NRG1: variants seen among roughly 807,000 people sequenced by gnomAD.
NRG1 encodes the protein pro-neuregulin-1, membrane-bound isoform.
Under a neutral mutation model 63.8 loss-of-function variants are expected in NRG1, and 18 were observed. The observed-to-expected ratio is 0.28, with a 90% CI of 0.19 to 0.42. NRG1 has a LOEUF of 0.42. Among genes scored for constraint, NRG1 ranks in the 10% least tolerant of loss-of-function variants. NRG1 has a pLI of 1.00. For synonymous variants in NRG1, 302 were observed against 301.3 expected, an observed-to-expected ratio of 1.00 and a Z score of -0.02; for missense variants, 762 against 814.7, an observed-to-expected ratio of 0.94 and a Z score of 0.79.
At chr8:31,924,627 T>TTTC (rs386412501) in intron 1 of NRG1, among the ~76,000 whole-genome samples, 2 of 151,198 alleles carry the variant, frequency 1.3e-5, no homozygotes, top group Non-Finnish European at 2.9e-5. Context: ...CCTTTTTTTT[T>TTTC]TCACTTTTTC....
At chr8:31,960,776 C>G (rs985225050) in intron 1 of NRG1, among the ~76,000 whole-genome samples, 3 of 152,188 alleles carry the variant, frequency 2.0e-5, no homozygotes, top group Non-Finnish European at 4.4e-5. Context: ...CTCCTTTCAC[C>G]CTCAGGTACA....
chr8:32,366,872 G>A (rs552375806), intron 1 of NRG1, among the ~76,000 whole-genome samples: 5 of 151,324 alleles, frequency 3.3e-5, no homozygotes, highest in South Asian at 4.2e-4. Flanking sequence ...CACCATATCC[G>A]GCTAATTTTT....
chr8:32,305,421 T>C (rs1856076245), intron 1 of NRG1, among the ~76,000 whole-genome samples: 1 of 135,648 alleles, frequency 7.4e-6, no homozygotes, highest in Non-Finnish European at 1.7e-5. Flanking sequence ...AGACGAATTC[T>C]TCAAAAAAAA....
At chr8:32,096,230 A>G (rs1007527109) in intron 1 of NRG1, among the ~76,000 whole-genome samples, 1 of 152,258 alleles carries the variant, frequency 6.6e-6, no homozygotes, top group African/African-American at 2.4e-5. Flanking sequence ...AAAGATTACA[A>G]TGGTTGTTCT....
chr8:31,723,284 A>G (rs1397223842), intron 1 of NRG1, among the ~76,000 whole-genome samples: 1 of 152,136 alleles, frequency 6.6e-6, no homozygotes, highest in African/African-American at 2.4e-5. Context: ...AGGGGTAGGT[A>G]AAGAGGACAG....
intron 5 of NRG1, among the ~76,000 whole-genome samples, chr8:32,658,806 A>G (rs576038277): frequency 6.6e-6 from 1 of 152,330 alleles, no homozygotes; most frequent in East Asian, 1.9e-4. Context: ...TTAAAAGGCA[A>G]ATTTTAATCA....
At position 32,280,691 on chromosome 8, in the gene NRG1, G is replaced by GTTT. The variant is rs1174950316; in HGVS notation, c.38-315116_38-315114dup. On this transcript the variant is annotated intron_variant, in intron 1 of 10. Transcript: ENST00000519301. ...TGCAACTGAATTAGGTTTTTTTTTT[G>GTTT]TTTTTTTTTTTTTTTTTTTTTTTCA... Among the ~76,000 whole-genome samples the GTTT allele has an allele frequency of 4.3e-4, 25 of 57,626 alleles. 2 individuals are homozygous for GTTT. The highest frequency in any genetic ancestry group is 1.1e-3 in the African/African-American group (19 of 18,068). 37.8% of individuals were successfully genotyped at this position (57,626 alleles called of 152,430 possible).
At chr8:32,741,870 G>T in intron 6 of NRG1, 138 bp from the exon 7 acceptor site, 1 of 603,236 alleles carries the variant, frequency 1.7e-6, no homozygotes. Context: ...TCTAAATGTT[G>T]TGTCTTTTCT....
chr8:32,208,203 C>T (rs1844278714), intron 1 of NRG1, among the ~76,000 whole-genome samples: 1 of 151,710 alleles, frequency 6.6e-6, no homozygotes, highest in Admixed American at 6.6e-5. Context: ...GGCAGATGGA[C>T]TAACATTGAT....
At chr8:32,180,296 A>G (rs1242347637) in intron 1 of NRG1, among the ~76,000 whole-genome samples, 1 of 152,142 alleles carries the variant, frequency 6.6e-6, no homozygotes, top group African/African-American at 2.4e-5. Context: ...AATTTTCTCC[A>G]GCTAAACAAT....
intron 5 of NRG1, among the ~76,000 whole-genome samples, chr8:32,688,488 C>T (rs1346051554): frequency 6.6e-5 from 10 of 152,192 alleles, no homozygotes; most frequent in African/African-American, 2.2e-4. Flanking sequence ...AGTCAAAAAT[C>T]TTATGATCAA....
intron 1 of NRG1, among the ~76,000 whole-genome samples, chr8:31,904,261 A>G (rs1055985013): frequency 5.3e-5 from 8 of 152,188 alleles, no homozygotes; most frequent in Admixed American, 3.3e-4. Context: ...CACCAAGAAG[A>G]ATCTCTCTTC....
chr8:31,748,343 G>A (rs529303688), intron 1 of NRG1, among the ~76,000 whole-genome samples: 1 of 151,976 alleles, frequency 6.6e-6, no homozygotes, highest in African/African-American at 2.4e-5. Context: ...ACTGCTAATT[G>A]TGCCCATTTC....
chr8:32,533,974 T>C (rs1563596139), intron 1 of NRG1, among the ~76,000 whole-genome samples: 1 of 152,118 alleles, frequency 6.6e-6, no homozygotes, highest in Non-Finnish European at 1.5e-5. Context: ...ATTCTAGACA[T>C]TTCTATAAGA....
chr8:32,763,660 A>G, intron 11 of NRG1, 88 bp from the exon 12 acceptor site: 3 of 1,255,668 alleles, frequency 2.4e-6, no homozygotes, highest in East Asian at 2.4e-5. Flanking sequence ...CTCTGATGAT[A>G]TAATACCGTG....
At chr8:32,336,702 C>G (rs983421645) in intron 1 of NRG1, among the ~76,000 whole-genome samples, 1 of 152,122 alleles carries the variant, frequency 6.6e-6, no homozygotes, top group South Asian at 2.1e-4. Context: ...CTCCGCCTCC[C>G]AGGTTCCAGC....
chr8:32,725,449 G>A (rs938017704), intron 5 of NRG1, among the ~76,000 whole-genome samples: 7 of 143,936 alleles, frequency 4.9e-5, no homozygotes, highest in Non-Finnish European at 9.0e-5. Context: ...TTTAACATTC[G>A]AGGCAAACTT....
rs575948112 is a variant in NRG1 at position 31,774,298 on chromosome 8, C to T, written c.37+134867C>T. Among the ~76,000 whole-genome samples the T allele has an allele frequency of 3.6e-4, 55 of 152,274 alleles. 1 individual carries two copies. The highest frequency in any genetic ancestry group is 1.1e-3 in the African/African-American group (44 of 41,554). ...ACATGTAATCACTCCCTCATTCTTT[C>T]CTTATTCTCTATCCCTTACCATGCT... On this transcript the variant is annotated intron_variant, in intron 1 of 10. Transcript: ENST00000519301.
intron 1 of NRG1, among the ~76,000 whole-genome samples, chr8:32,052,002 C>T (rs1330981341): frequency 6.6e-6 from 1 of 152,110 alleles, no homozygotes; most frequent in Non-Finnish European, 1.5e-5. Flanking sequence ...TGATTTCTGG[C>T]ATCTCAGTGA....
Sources: allele counts gnomAD v4.1 joint callset (sites outside exome capture counted in the v4.1 genomes callset), GRCh38; gene constraint gnomAD v4.1.1; transcripts MANE v1.5; gene names NCBI Gene and HGNC (gene_info 2026-07-23, HGNC 2026-07-21).